The following PCDHGB2 variants were observed in gnomAD, a reference collection of about 807,000 sequenced individuals.
The protein encoded by PCDHGB2 is protocadherin gamma-B2.
In PCDHGB2, 55 loss-of-function variants were observed where a neutral mutation model predicts 59.3. The observed-to-expected ratio is 0.93, with a 90% CI of 0.75 to 1.16. PCDHGB2 has a LOEUF of 1.16. PCDHGB2 is among the 50% of genes most tolerant of loss of function. The pLI, the probability that PCDHGB2 is intolerant of heterozygous loss-of-function variation, is 0.00. For missense variants in PCDHGB2, 1,228 were observed against 1,198.5 expected, an observed-to-expected ratio of 1.02 and a Z score of -0.36; for synonymous variants, 516 against 512.0, an observed-to-expected ratio of 1.01 and a Z score of -0.11.
At position 141,363,955 on chromosome 5, in the gene PCDHGB2, A is replaced by C. The variant is rs139714384; in HGVS notation, c.2421+1399A>C. 3.1e-4 allele frequency among the ~76,000 whole-genome samples: 47 copies of C among 152,356 alleles called. No individual in the cohort carries two copies. The East Asian group carries it at 8.9e-3, about 29-fold the overall frequency. ...TCTAATAATCATATTGATCTCAGGG[A>C]TTGTGGAAGTCTTGCTATTCAGAAT... On this transcript the variant is annotated intron_variant, in intron 1 of 3. Coordinates refer to ENST00000522605, the MANE Select transcript of PCDHGB2 (RefSeq NM_018923.3).
At position 141,464,036 on chromosome 5, in the gene PCDHGB2, G is replaced by A. The variant is rs907276618; in HGVS notation, c.2422-30771G>A. On this transcript the variant is annotated intron_variant, in intron 1 of 3. Coordinates refer to ENST00000522605, the MANE Select transcript of PCDHGB2 (RefSeq NM_018923.3). ...ATCCCACACTTTGGGAGGCCAAGGC[G>A]GGTGGATCACCTGAGGTCAGGAGTT... Among the ~76,000 whole-genome samples the A allele has an allele frequency of 2.6e-5, 4 of 152,096 alleles. No individual in the cohort carries two copies. The East Asian group carries it at 5.8e-4, about 22-fold the overall frequency.
chr5:141,498,930 C>T (rs2099786911), intron 2 of PCDHGB2, among the ~76,000 whole-genome samples: 1 of 121,364 alleles, frequency 8.2e-6, no homozygotes, highest in Non-Finnish European at 1.6e-5. Flanking sequence ...GAGACTCCAT[C>T]AGGAAAGAAA....
intron 1 of PCDHGB2, among the ~76,000 whole-genome samples, chr5:141,452,375 G>A (rs1239059045): frequency 2.0e-5 from 3 of 152,194 alleles, no homozygotes; most frequent in African/African-American, 7.2e-5. Context: ...TTTTAGTAGG[G>A]AATAGTATTT....
chr5:141,490,423 T>C lies in PCDHGB2; in HGVS notation c.2422-4384T>C. ...CCTTGATATCTCTCCGGACCTGCCATTTCAGATTAAGCCTTCTGAGAACCA... is the reference window on the plus strand; with the variant it reads ...CCTTGATATCTCTCCGGACCTGCCACTTCAGATTAAGCCTTCTGAGAACCA... On this transcript the variant is annotated intron_variant, in intron 1 of 3. Coordinates refer to ENST00000522605, the MANE Select transcript of PCDHGB2 (RefSeq NM_018923.3). This position sits in a 1 kb window ranked among gnomAD's most constrained non-coding sequence, Gnocchi z 5.4. 6.2e-7 allele frequency: 1 copy of C among 1,614,172 alleles called. No individual in the cohort carries two copies. The highest frequency in any genetic ancestry group is 8.5e-7 in the Non-Finnish European group (1 of 1,180,028).
intron 1 of PCDHGB2, among the ~76,000 whole-genome samples, chr5:141,470,888 T>C (rs2099243463): frequency 6.6e-6 from 1 of 151,912 alleles, no homozygotes; most frequent in Non-Finnish European, 1.5e-5. Context: ...GTTTTTGTTT[T>C]TGTTTTTTGT....
chr5:141,375,176 G>A (rs1430924979), intron 1 of PCDHGB2: 2 of 1,613,900 alleles, frequency 1.2e-6, no homozygotes, highest in African/African-American at 1.3e-5. Context: ...TCCAGGAACA[G>A]TAATCGCCCT....
rs762476625 is a variant in PCDHGB2 at position 141,420,218 on chromosome 5, C to A, written c.2421+57662C>A. On this transcript the variant is annotated intron_variant, in intron 1 of 3. Coordinates refer to ENST00000522605, the MANE Select transcript of PCDHGB2 (RefSeq NM_018923.3). The stretch of plus-strand genomic sequence containing the variant: ...AGATAACCTCAACAAAGATAGCATG[C>A]TACTGGCTAGCATTTTAACTCCCAG... 4 of 1,608,408 alleles carry A rather than the reference C, an allele frequency of 2.5e-6. No individual in the cohort carries two copies. In the South Asian group the frequency reaches 4.4e-5, roughly 18 times the overall value.
Position 141,486,173 on chromosome 5 carries a change from T to C in PCDHGB2, c.2422-8634T>C. 1 of 1,614,220 alleles carries C rather than the reference T, an allele frequency of 6.2e-7. No homozygotes were observed. Among genetic ancestry groups the C allele is most frequent in the Non-Finnish European group, 8.5e-7 (1 of 1,180,042 alleles). ...GGGTTCTCCAGCCATGGAGCAACATTGCAGCCTTCGAGTGGATCTGCTGGA... is the reference window on the plus strand; with the variant it reads ...GGGTTCTCCAGCCATGGAGCAACATCGCAGCCTTCGAGTGGATCTGCTGGA... On this transcript the variant is annotated intron_variant, in intron 1 of 3. Transcript: ENST00000522605. The surrounding 1 kb of genome is among the most constrained non-coding windows in gnomAD (Gnocchi z 5.0).
chr5:141,376,794 C>T, intron 1 of PCDHGB2: 1 of 353,104 alleles, frequency 2.8e-6, no homozygotes, highest in East Asian at 6.1e-5. Flanking sequence ...TCACGCCATT[C>T]TCCTGCCTCA....
intron 1 of PCDHGB2, chr5:141,383,378 C>A (rs753458256): frequency 8.1e-6 from 13 of 1,613,884 alleles, no homozygotes; most frequent in Non-Finnish European, 1.1e-5. Flanking sequence ...GCTGGGGATC[C>A]AGATGTGGGC....
At chr5:141,398,293 T>A in intron 1 of PCDHGB2, 1 of 1,383,344 alleles carries the variant, frequency 7.2e-7, no homozygotes, top group Non-Finnish European at 9.9e-7. Flanking sequence ...GGACCTGGGG[T>A]TCAGCGTCCA....
At position 141,434,771 on chromosome 5, in the gene PCDHGB2, TA is replaced by T. The variant is rs36031641; in HGVS notation, c.2422-60023del. On this transcript the variant is annotated intron_variant, in intron 1 of 3. Transcript: ENST00000522605. ...CCCCTGATTCCCCACTTCACACTTC[TA>T]AAAAAAAAAAAATTTTTTTTTCTGA... 2.5e-3 allele frequency among the ~76,000 whole-genome samples: 362 copies of T among 145,286 alleles called. 1 individual carries two copies. The highest frequency in any genetic ancestry group is 0.011 in the Middle Eastern group (3 of 280).
intron 1 of PCDHGB2, chr5:141,366,238 C>T (rs376279746): frequency 6.2e-7 from 1 of 1,613,786 alleles, no homozygotes; most frequent in South Asian, 1.1e-5. Flanking sequence ...TGGACAGAGA[C>T]GCGCTCAAGC....
chr5:141,408,144 G>T (rs868032463), intron 1 of PCDHGB2: 1 of 1,496,068 alleles, frequency 6.7e-7, no homozygotes, highest in South Asian at 1.3e-5. Context: ...CTTTTAGCGC[G>T]GTAGAGTGCA....
rs1350353768 is a variant in PCDHGB2, at chr5:141,476,524, T to A, written c.2422-18283T>A. Reference sequence around the variant, plus strand: ...TCAACGACAACAATCCTGCTTTCCCTACCCAGGAAATGAAATTGGAGATTA... The same window carrying A: ...TCAACGACAACAATCCTGCTTTCCCAACCCAGGAAATGAAATTGGAGATTA... On this transcript the variant is annotated intron_variant, in intron 1 of 3. Coordinates refer to ENST00000522605, the MANE Select transcript of PCDHGB2 (RefSeq NM_018923.3). The surrounding 1 kb of genome is among the most constrained non-coding windows in gnomAD (Gnocchi z 7.6). The A allele has an allele frequency of 1.2e-5, 20 of 1,614,064 alleles. No homozygotes were observed. The highest frequency in any genetic ancestry group is 1.7e-5 in the Non-Finnish European group (20 of 1,180,036).
At chr5:141,448,667 G>A (rs1262994760) in intron 1 of PCDHGB2, among the ~76,000 whole-genome samples, 6 of 151,990 alleles carry the variant, frequency 3.9e-5, no homozygotes, top group African/African-American at 9.7e-5. Flanking sequence ...TTGGCCGGGC[G>A]CGGTGGCTCA....
In PCDHGB2 at chr5:141,493,269, C is replaced by T. The variant is rs142898207; in HGVS notation, c.2422-1538C>T. ...ACATGCCTCTCTTATAACAGCTTCA[C>T]AGAGGTCAAGTGACTTGCTCAAGTT... is the stretch of plus-strand genomic sequence containing the variant. On this transcript the variant is annotated intron_variant, in intron 1 of 3. Coordinates refer to ENST00000522605, the MANE Select transcript of PCDHGB2 (RefSeq NM_018923.3). This position sits in a 1 kb window ranked among gnomAD's most constrained non-coding sequence, Gnocchi z 4.3. Among the ~76,000 whole-genome samples the T allele has an allele frequency of 1.3e-5, 2 of 152,322 alleles. No individual in the cohort carries two copies. The highest frequency in any genetic ancestry group is 4.8e-5 in the African/African-American group (2 of 41,570).
At chr5:141,402,826 G>A (rs776479870) in intron 1 of PCDHGB2, 37 of 1,328,842 alleles carry the variant, frequency 2.8e-5, no homozygotes, top group Middle Eastern at 2.7e-4. Flanking sequence ...CCTGCTCCCA[G>A]GCTGCAGCAA....
chr5:141,485,982 A>G lies in PCDHGB2; in HGVS notation c.2422-8825A>G. 6.2e-7 allele frequency: 1 copy of G among 1,614,156 alleles called. No homozygotes were observed. The highest frequency in any genetic ancestry group is 8.5e-7 in the Non-Finnish European group (1 of 1,180,020). ...ATCCAGCTCAATGCCTCAGACCCGG[A>G]CCTGGGTCCCAGTGGTAACGTCACC... On this transcript the variant is annotated intron_variant, in intron 1 of 3. Coordinates refer to ENST00000522605, the MANE Select transcript of PCDHGB2 (RefSeq NM_018923.3). The surrounding 1 kb of genome is among the most constrained non-coding windows in gnomAD (Gnocchi z 5.7).
Sources: allele counts gnomAD v4.1 joint callset (sites outside exome capture counted in the v4.1 genomes callset), GRCh38; gene constraint gnomAD v4.1.1; non-coding constraint Gnocchi (gnomAD v3.1); transcripts MANE v1.5; gene names NCBI Gene and HGNC (gene_info 2026-07-23, HGNC 2026-07-21).